Variants in MMP16 observed in about 807,000 individuals in gnomAD.
MMP16 encodes matrix metallopeptidase 16, also known as matrix metalloproteinase-16.
A neutral mutation model predicts 67.8 loss-of-function variants in MMP16; 12 were observed. The observed-to-expected ratio is 0.18, with a 90% CI of 0.11 to 0.29. The LOEUF (loss-of-function observed/expected upper bound fraction) is 0.29, where lower values mean the gene tolerates loss of function less well. Ranked by LOEUF, MMP16 falls within the 10% of genes least tolerant of loss-of-function variation. The pLI, the probability that MMP16 is intolerant of heterozygous loss-of-function variation, is 1.00. For missense variants in MMP16, 475 were observed against 765.7 expected (o/e 0.62, Z 4.48); for synonymous variants, 249 against 255.9 (o/e 0.97, Z 0.26).
intron 6 of MMP16, among the ~76,000 whole-genome samples, chr8:88,114,243 G>C (rs751077217): frequency 1.1e-4 from 16 of 151,376 alleles, no homozygotes; most frequent in Non-Finnish European, 2.1e-4. Flanking sequence ...TGAATTATAA[G>C]ATTATCACTT....
intron 1 of MMP16, among the ~76,000 whole-genome samples, chr8:88,223,583 A>G (rs768242760): frequency 1.9e-4 from 29 of 150,780 alleles, no homozygotes; most frequent in Non-Finnish European, 4.0e-4. Flanking sequence ...TGAGCAAACT[A>G]TGGCAAGGAC....
At chr8:88,193,728 CATA>C (rs1232180846) in intron 2 of MMP16, among the ~76,000 whole-genome samples, 5 of 151,846 alleles carry the variant, frequency 3.3e-5, no homozygotes, top group Middle Eastern at 3.4e-3. Context: ...ATTATATATC[CATA>C]ATAATTAAAA....
At position 88,056,277 on chromosome 8, in the gene MMP16, A is replaced by G; in HGVS notation, c.1224T>C (p.Gly408=). The part of the protein sequence containing the change: ...NSDGNFVFFK[G]NKYWVFKDTT... ...TATCCTTGAACACCCAATATTTGTT[A>G]CCTGTATGGAATAAGTGTAAATGTA... is the stretch of plus-strand genomic sequence containing the variant. The change falls in exon 8 of 10, where the codon GGT becomes GGC. Residue 408 remains glycine (G), a splice_region_variant and synonymous_variant. Transcript: ENST00000286614. 6.5e-7 allele frequency: 1 copy of G among 1,529,532 alleles called. No homozygotes were observed. The highest frequency in any genetic ancestry group is 8.9e-7 in the Non-Finnish European group (1 of 1,127,856). The allele number at this position is 1,529,532 out of a possible 1,614,324, so 94.7% of individuals were successfully genotyped here.
In MMP16 at chr8:88,305,333, C is replaced by T. The variant is rs538183097; in HGVS notation, c.132+21742G>A. ...ACCTACAAAGAGACTTAGATGCCCA[C>T]ACAGCAATAGTGGGAGACATTAATA... On this transcript the variant is annotated intron_variant, in intron 1 of 9. Coordinates refer to ENST00000286614, the MANE Select transcript of MMP16 (RefSeq NM_005941.5). 4.5e-3 allele frequency among the ~76,000 whole-genome samples: 684 copies of T among 152,284 alleles called. 5 individuals are homozygous for T. Among genetic ancestry groups the T allele is most frequent in the African/African-American group, 0.016 (649 of 41,560 alleles).
chr8:88,113,114 G>A (rs1359737749), intron 6 of MMP16, among the ~76,000 whole-genome samples: 1 of 151,798 alleles, frequency 6.6e-6, no homozygotes, highest in Non-Finnish European at 1.5e-5. Flanking sequence ...TTAGCACTGA[G>A]CACTATGAAG....
At chr8:88,049,203 G>C (rs946866779) in intron 8 of MMP16, among the ~76,000 whole-genome samples, 6 of 152,122 alleles carry the variant, frequency 3.9e-5, no homozygotes, top group Admixed American at 3.9e-4. Flanking sequence ...AATCGTGCCT[G>C]GACTGCATCT....
At chr8:88,245,851 C>A (rs1289152838) in intron 1 of MMP16, among the ~76,000 whole-genome samples, 2 of 152,132 alleles carry the variant, frequency 1.3e-5, no homozygotes, top group Non-Finnish European at 2.9e-5. Context: ...ATAAAGCACC[C>A]TTTTTCAAAT....
At chr8:88,248,586 G>A (rs919292251) in intron 1 of MMP16, among the ~76,000 whole-genome samples, 6 of 151,932 alleles carry the variant, frequency 3.9e-5, no homozygotes, top group Middle Eastern at 3.2e-3. Flanking sequence ...TCCATTGCCC[G>A]ATCCTCCTGG....
intron 7 of MMP16, among the ~76,000 whole-genome samples, chr8:88,061,161 CA>C (rs1563520429): frequency 1.4e-5 from 2 of 141,212 alleles, no homozygotes; most frequent in African/African-American, 4.9e-5. Context: ...CACACACACA[CA>C]CACACACACC....
At chr8:88,231,840 AAAAT>A in intron 1 of MMP16, among the ~76,000 whole-genome samples, 1 of 152,322 alleles carries the variant, frequency 6.6e-6, no homozygotes, top group African/African-American at 2.4e-5. Context: ...GTTTTTCTCT[AAAAT>A]AATTATAAAT....
chr8:88,214,805 T>C lies in MMP16; in HGVS notation c.133-17499A>G, dbSNP rs191466802. On this transcript the variant is annotated intron_variant, in intron 1 of 9. Transcript: ENST00000286614. ...TTAACCTTTTTAAACTGAGAAACAGTAGTGACCTCCTAACATGTCCCCCAT... is the reference window on the plus strand; with the variant it reads ...TTAACCTTTTTAAACTGAGAAACAGCAGTGACCTCCTAACATGTCCCCCAT... 2.7e-3 allele frequency among the ~76,000 whole-genome samples: 407 copies of C among 152,256 alleles called. 5 individuals carry two copies. In the Middle Eastern group the frequency reaches 0.048, roughly 18 times the overall value.
chr8:88,129,663 CT>C (rs1347590828), intron 4 of MMP16, among the ~76,000 whole-genome samples: 1 of 151,398 alleles, frequency 6.6e-6, no homozygotes, highest in African/African-American at 2.4e-5. Context: ...AAGCAACCCT[CT>C]TTCCATACTC....
intron 1 of MMP16, among the ~76,000 whole-genome samples, chr8:88,267,416 C>T (rs1011661452): frequency 2.0e-5 from 3 of 152,218 alleles, no homozygotes; most frequent in Non-Finnish European, 2.9e-5. Flanking sequence ...GGTATCCCCA[C>T]AAAACCCCAA....
chr8:88,181,553 C>T (rs1046062530), intron 3 of MMP16, among the ~76,000 whole-genome samples: 1 of 150,924 alleles, frequency 6.6e-6, no homozygotes, highest in Admixed American at 6.6e-5. Flanking sequence ...TATCCATTTC[C>T]TAGATGAACT....
At chr8:88,228,913 C>T (rs529087543) in intron 1 of MMP16, among the ~76,000 whole-genome samples, 10 of 152,020 alleles carry the variant, frequency 6.6e-5, no homozygotes, top group African/African-American at 2.4e-4. Context: ...GTAACCTCAG[C>T]ACTTTGGGAA....
At chr8:88,056,491 A>C (rs1157028311) in intron 7 of MMP16, among the ~76,000 whole-genome samples, 1 of 151,606 alleles carries the variant, frequency 6.6e-6, no homozygotes. Flanking sequence ...GGATATAATG[A>C]ATACTTTATT....
intron 3 of MMP16, among the ~76,000 whole-genome samples, chr8:88,184,772 A>G (rs909607419): frequency 2.9e-5 from 4 of 135,856 alleles, no homozygotes; most frequent in Admixed American, 1.5e-4. Flanking sequence ...AAAAAAAAAA[A>G]AAAAAAGAAA....
rs765641487 is a variant in MMP16, at chr8:88,197,275, G to A, written c.164C>T (p.Pro55Leu). The change falls in exon 2 of 10, where the codon CCG becomes CTG. Residue 55 changes from proline to leucine, a missense_variant. Transcript: ENST00000286614. ...CAGCACTGACATTCTGGGGTCAGTC[G>A]GTGGAAGGTAGCCGTACTTTTGTAA... ...VWLQKYGYLPPTDPRMSVLRS... is the reference protein window; with the variant it reads ...VWLQKYGYLPLTDPRMSVLRS... 28 of 1,583,090 alleles carry A rather than the reference G, an allele frequency of 1.8e-5. No individual in the cohort carries two copies. In the Admixed American group the frequency reaches 2.2e-4, roughly 13 times the overall value.
At chr8:88,324,179 T>C (rs1811503351) in intron 1 of MMP16, among the ~76,000 whole-genome samples, 1 of 152,170 alleles carries the variant, frequency 6.6e-6, no homozygotes, top group African/African-American at 2.4e-5. Context: ...TTCTTAGCTG[T>C]AAGAGATGTT....
Sources: gnomAD v4.1 joint callset for allele counts (sites outside exome capture counted in the v4.1 genomes callset) on GRCh38, gnomAD v4.1.1 for gene constraint, MANE v1.5 for transcripts, NCBI Gene and HGNC (gene_info 2026-07-23, HGNC 2026-07-21) for gene names.